The following DDC variants were observed in gnomAD, a reference collection of about 807,000 sequenced individuals.
DDC encodes aromatic-L-amino-acid decarboxylase.
In DDC, 43 loss-of-function variants were observed where a neutral mutation model predicts 60.0. The observed-to-expected ratio is 0.72, with a 90% CI of 0.56 to 0.92. The LOEUF (loss-of-function observed/expected upper bound fraction) is 0.92, where lower values mean the gene tolerates loss of function less well. Ranked by LOEUF, DDC falls within the 40% of genes least tolerant of loss-of-function variation. DDC has a pLI of 0.00. For missense variants in DDC, 573 were observed against 620.2 expected (o/e 0.92, Z 0.81); for synonymous variants, 232 against 234.6 (o/e 0.99, Z 0.10).
chr7:50,522,271 A>C (rs2043914292), intron 6 of DDC, among the ~76,000 whole-genome samples: 1 of 152,202 alleles, frequency 6.6e-6, no homozygotes, highest in Non-Finnish European at 1.5e-5. Flanking sequence ...ATTTTTTAAA[A>C]GATCTAAATA....
chr7:50,524,660 G>T (rs559749428), intron 6 of DDC, among the ~76,000 whole-genome samples: 41 of 152,150 alleles, frequency 2.7e-4, no homozygotes, highest in Admixed American at 1.3e-4. Context: ...AAAAAATAGT[G>T]ACAATACCAA....
Position 50,467,142 on chromosome 7 carries a change from G to A in DDC, c.1242+72C>T, listed in dbSNP as rs2042416588. On this transcript the variant is annotated intron_variant, in intron 13 of 14. Coordinates refer to ENST00000444124, the MANE Select transcript of DDC (RefSeq NM_001082971.2). Reference sequence around the variant, plus strand: ...AGAGCCAGTGCCAGTGTTTGAGCATGGAGGTAATGAACAACACTTTCCCCT... The same window carrying A: ...AGAGCCAGTGCCAGTGTTTGAGCATAGAGGTAATGAACAACACTTTCCCCT... 8 of 1,308,524 alleles carry A rather than the reference G, an allele frequency of 6.1e-6. No homozygotes were observed. The South Asian group carries it at 8.3e-5, about 14-fold the overall frequency. The allele number at this position is 1,308,524 out of a possible 1,614,324, so 81.1% of individuals were successfully genotyped here. A position where few individuals can be genotyped will look rare whatever the true frequency, so the allele number is the denominator to read the frequency against.
chr7:50,512,599 C>T (rs1388503706), intron 6 of DDC, among the ~76,000 whole-genome samples: 2 of 152,102 alleles, frequency 1.3e-5, no homozygotes, highest in African/African-American at 4.8e-5. Context: ...CTTGCAAGAG[C>T]CAAAGTGAGA....
intron 7 of DDC, among the ~76,000 whole-genome samples, chr7:50,503,545 T>C (rs1269921826): frequency 6.6e-6 from 1 of 152,124 alleles, no homozygotes; most frequent in Non-Finnish European, 1.5e-5. Flanking sequence ...TAAACTACCT[T>C]CAGCAATTTT....
chr7:50,479,722 C>T, intron 10 of DDC, 65 bp downstream of exon 10: 2 of 1,414,284 alleles, frequency 1.4e-6, no homozygotes, highest in Non-Finnish European at 2.0e-6. Context: ...TCCCAGGGAC[C>T]TCCAGGGCAG....
At chr7:50,489,531 A>G (rs1261582373) in intron 9 of DDC, among the ~76,000 whole-genome samples, 1 of 152,242 alleles carries the variant, frequency 6.6e-6, no homozygotes, top group East Asian at 1.9e-4. Context: ...TACCAAGTCC[A>G]GCTAAATCTT....
intron 1 of DDC, among the ~76,000 whole-genome samples, chr7:50,547,836 G>A (rs987603728): frequency 5.3e-5 from 8 of 152,188 alleles, no homozygotes; most frequent in Non-Finnish European, 5.9e-5. Flanking sequence ...AACAAAAATC[G>A]TGACAATAAT....
intron 9 of DDC, among the ~76,000 whole-genome samples, chr7:50,480,851 C>T (rs1186235260): frequency 2.6e-5 from 4 of 152,136 alleles, no homozygotes; most frequent in South Asian, 2.1e-4. Context: ...GACAGGGGTC[C>T]TCTTTCACCT....
Position 50,542,967 on chromosome 7 carries a change from G to A in DDC, c.201+918C>T, listed in dbSNP as rs73123267. The A allele has an allele frequency of 6.8e-3, 1,029 of 152,388 alleles. 3 individuals are homozygous for A. Among genetic ancestry groups the A allele is most frequent in the Non-Finnish European group, 0.012 (786 of 68,074 alleles). 9.4% of individuals were successfully genotyped at this position (152,388 alleles called of 1,614,324 possible). ...CCTTGGCATTCTGTCTACATTGAGG[G>A]AGTGGGTCTTGATGGTCCCAGACCC... On this transcript the variant is annotated intron_variant, in intron 2 of 14. Transcript: ENST00000444124.
intron 4 of DDC, among the ~76,000 whole-genome samples, chr7:50,531,531 C>T (rs1563032701): frequency 6.6e-6 from 1 of 152,046 alleles, no homozygotes; most frequent in Non-Finnish European, 1.5e-5. Flanking sequence ...AAATGAGTCA[C>T]CATGAATCAC....
At chr7:50,552,957 C>T (rs2153553115) in intron 1 of DDC, among the ~76,000 whole-genome samples, 1 of 152,336 alleles carries the variant, frequency 6.6e-6, no homozygotes, top group East Asian at 1.9e-4. Context: ...TCAGTCCCTG[C>T]CCAACATCTA....
At chr7:50,524,072 A>G (rs2043972863) in intron 6 of DDC, among the ~76,000 whole-genome samples, 2 of 152,224 alleles carry the variant, frequency 1.3e-5, no homozygotes, top group African/African-American at 2.4e-5. Flanking sequence ...AAGGCTACAT[A>G]TTGTATGATT....
rs567777134 is a variant in DDC, at chr7:50,540,141, G to T, written c.202-113C>A. On this transcript the variant is annotated intron_variant, in intron 2 of 14. Transcript: ENST00000444124. ...GCTGCCAGATGCAGCCAGACCCAGA[G>T]TTAGGTGAGTGCAGTTCCCCAAATG... 9.2e-6 allele frequency: 7 copies of T among 761,202 alleles called. No homozygotes were observed. In the African/African-American group the frequency reaches 1.2e-4, roughly 13 times the overall value. The allele number at this position is 761,202 out of a possible 1,614,324, so 47.2% of individuals were successfully genotyped here. A position where few individuals can be genotyped will look rare whatever the true frequency, so the allele number is the denominator to read the frequency against.
Position 50,556,920 on chromosome 7 carries a change from C to T in DDC, c.-29+8365G>A, listed in dbSNP as rs569420342. On this transcript the variant is annotated intron_variant, in intron 1 of 14. Coordinates refer to ENST00000444124, the MANE Select transcript of DDC (RefSeq NM_001082971.2). ...AAAACAGCTTGAGCCCATAGCTCTG[C>T]GGCAAGAGGCATGCAGCTGCTGGCT... 1.1e-4 allele frequency among the ~76,000 whole-genome samples: 17 copies of T among 152,278 alleles called. No individual in the cohort carries two copies. In the South Asian group the frequency reaches 2.1e-3, roughly 19 times the overall value.
Position 50,460,120 on chromosome 7 carries a change from G to A in DDC, c.*19-1277C>T, listed in dbSNP as rs558557669. On this transcript the variant is annotated intron_variant, in intron 14 of 14. Coordinates refer to ENST00000444124, the MANE Select transcript of DDC (RefSeq NM_001082971.2). ...CGGGAGGTGAGGGGCACCTCTGCCC[G>A]GCCGCCCCTACTGGGAAGTGAGGAG... Among the ~76,000 whole-genome samples, 8 of 137,646 alleles carry A rather than the reference G, an allele frequency of 5.8e-5. No individual in the cohort carries two copies. The South Asian group carries it at 7.0e-4, about 12-fold the overall frequency. 90.3% of individuals were successfully genotyped at this position (137,646 alleles called of 152,430 possible). A position where few individuals can be genotyped will look rare whatever the true frequency, so the allele number is the denominator to read the frequency against.
intron 14 of DDC, among the ~76,000 whole-genome samples, chr7:50,460,410 G>A (rs971823244): frequency 2.0e-5 from 3 of 149,422 alleles, no homozygotes; most frequent in East Asian, 2.0e-4. Flanking sequence ...GAGGAAGGTG[G>A]GGGGGTCAGC....
At chr7:50,559,861 A>G (rs2045299926) in intron 1 of DDC, among the ~76,000 whole-genome samples, 1 of 152,252 alleles carries the variant, frequency 6.6e-6, no homozygotes, top group Non-Finnish European at 1.5e-5. Context: ...AGCAGAAAAC[A>G]AAAGTAATTA....
chr7:50,467,697 C>T (rs11575522), intron 12 of DDC, among the ~76,000 whole-genome samples: 8,014 of 152,294 alleles, frequency 0.053, 491 homozygotes, highest in African/African-American at 0.15. Context: ...CTCACCACTG[C>T]GGCATCCTCA....
At chr7:50,541,595 G>T (rs1223617920) in intron 2 of DDC, among the ~76,000 whole-genome samples, 1 of 152,168 alleles carries the variant, frequency 6.6e-6, no homozygotes, top group Non-Finnish European at 1.5e-5. Flanking sequence ...TTGGTTACGT[G>T]AGTACACACT....
Sources: gnomAD v4.1 joint callset for allele counts (sites outside exome capture counted in the v4.1 genomes callset) on GRCh38, gnomAD v4.1.1 for gene constraint, MANE v1.5 for transcripts, NCBI Gene and HGNC (gene_info 2026-07-23, HGNC 2026-07-21) for gene names.